The following MAST2 variants were observed in gnomAD, a reference collection of about 807,000 sequenced individuals.
The protein encoded by MAST2 is microtubule-associated serine/threonine-protein kinase 2.
MAST2 carries 70 observed loss-of-function variants against 147.4 expected under a neutral mutation model. That is an observed-to-expected ratio of 0.47 (90% confidence interval 0.39 to 0.58). The LOEUF is 0.58. MAST2 is among the 20% of genes least tolerant of loss of function. The pLI is 0.00. For synonymous variants in MAST2, 869 were observed against 896.8 expected, an observed-to-expected ratio of 0.97 and a Z score of 0.55; for missense variants, 2,080 against 2,302.3, an observed-to-expected ratio of 0.90 and a Z score of 1.98.
chr1:46,030,091 A>C lies in MAST2; in HGVS notation c.2444-38A>C, dbSNP rs1553134806. 4 of 1,609,558 alleles carry C rather than the reference A, an allele frequency of 2.5e-6. No individual in the cohort carries two copies. In the South Asian group the frequency reaches 4.4e-5, roughly 18 times the overall value. ...ATGGGGTCACAAGGAGGCCACCAGC[A>C]GGGCTCTGAAGGAAAGTGTCCTTTA... On this transcript the variant is annotated intron_variant, in intron 20 of 28. Coordinates refer to ENST00000361297, the MANE Select transcript of MAST2 (RefSeq NM_015112.3).
chr1:45,999,554 G>A (rs1312086111), intron 6 of MAST2, among the ~76,000 whole-genome samples: 1 of 152,184 alleles, frequency 6.6e-6, no homozygotes, highest in Non-Finnish European at 1.5e-5. Flanking sequence ...ACTCGGCTGG[G>A]TGCTTAGTTA....
At chr1:45,912,596 A>G (rs6686134) in intron 4 of MAST2, among the ~76,000 whole-genome samples, 67,670 of 151,998 alleles carry the variant, frequency 0.45, 15,265 homozygotes, top group East Asian at 0.63. Context: ...CCTAGAAAAA[A>G]CAGTTTGATA....
At chr1:45,966,100 C>G (rs899556283) in intron 5 of MAST2, among the ~76,000 whole-genome samples, 2 of 152,178 alleles carry the variant, frequency 1.3e-5, no homozygotes, top group Non-Finnish European at 2.9e-5. Flanking sequence ...TCCAGAATGT[C>G]ATATAGTTGG....
intron 3 of MAST2, among the ~76,000 whole-genome samples, chr1:45,850,344 G>C (rs1415963827): frequency 6.6e-6 from 1 of 152,018 alleles, no homozygotes; most frequent in African/African-American, 2.4e-5. Flanking sequence ...CTAGATATTA[G>C]ACCTTTGTCA....
rs186554820 is a variant in MAST2, at chr1:45,860,573, T to C, written c.469-21791T>C. ...TTGGCCGGGCGCAGTGGCTGATGCC[T>C]GTAATCCCAGCACTTTGGGAGGCCA... On this transcript the variant is annotated intron_variant, in intron 3 of 28. Coordinates refer to ENST00000361297, the MANE Select transcript of MAST2 (RefSeq NM_015112.3). 5.9e-5 allele frequency among the ~76,000 whole-genome samples: 9 copies of C among 152,290 alleles called. No homozygotes were observed. The East Asian group carries it at 1.2e-3, about 20-fold the overall frequency.
intron 3 of MAST2, among the ~76,000 whole-genome samples, chr1:45,843,076 A>G (rs1334146429): frequency 6.6e-6 from 1 of 152,000 alleles, no homozygotes; most frequent in Non-Finnish European, 1.5e-5. Context: ...TTTTTTGACC[A>G]TTTATATATC....
At chr1:45,804,383 G>A (rs1265981437) in intron 1 of MAST2, among the ~76,000 whole-genome samples, 3 of 152,176 alleles carry the variant, frequency 2.0e-5, no homozygotes, top group Non-Finnish European at 2.9e-5. Flanking sequence ...GCTTACTAAA[G>A]AGGCGTTGAG....
In MAST2 at chr1:46,032,197, G is replaced by A. The variant is rs774203342; in HGVS notation, c.3207G>A (p.Pro1069=). 152 of 1,613,942 alleles carry A rather than the reference G, an allele frequency of 9.4e-5. No individual in the cohort carries two copies. The highest frequency in any genetic ancestry group is 1.2e-4 in the Non-Finnish European group (145 of 1,180,018). The change falls in exon 25 of 29, where the codon CCG becomes CCA. Residue 1069 remains proline, a synonymous_variant. Coordinates refer to ENST00000361297, the MANE Select transcript of MAST2 (RefSeq NM_015112.3). ...LIPSEHHTCS[P]LASPMSPHSQ... ...CTCCAGAACACCACACCTGCTCCCC[G>A]TTGGCCAGCCCCATGTCCCCACATT... is the stretch of plus-strand genomic sequence containing the variant.
intron 4 of MAST2, among the ~76,000 whole-genome samples, chr1:45,898,912 A>G (rs72690893): frequency 1.3e-5 from 2 of 152,146 alleles, no homozygotes; most frequent in South Asian, 2.1e-4. Flanking sequence ...GCATCCCTCA[A>G]ATCTCCTTAG....
In MAST2 at chr1:45,997,707, T is replaced by G; in HGVS notation, c.593-17T>G. 1 of 1,609,870 alleles carries G rather than the reference T, an allele frequency of 6.2e-7. No homozygotes were observed. The highest frequency in any genetic ancestry group is 8.5e-7 in the Non-Finnish European group (1 of 1,176,046). ...CAAGCAAACCTCACAGAGTTTTGTTTCTTTTCCCATCCACAGGTAACAGTC... is the reference window on the plus strand; with the variant it reads ...CAAGCAAACCTCACAGAGTTTTGTTGCTTTTCCCATCCACAGGTAACAGTC... On this transcript the variant is annotated splice_polypyrimidine_tract_variant and intron_variant, in intron 5 of 28. Transcript: ENST00000361297.
chr1:45,840,885 A>G (rs1016063115), intron 3 of MAST2, among the ~76,000 whole-genome samples: 2 of 152,184 alleles, frequency 1.3e-5, no homozygotes, highest in Non-Finnish European at 2.9e-5. Context: ...GGCTATAAAT[A>G]TAGCCTACAT....
chr1:46,022,978 A>T lies in MAST2; in HGVS notation c.1485+7A>T, dbSNP rs1027147533. 6.2e-7 allele frequency: 1 copy of T among 1,613,480 alleles called. No individual in the cohort carries two copies. The highest frequency in any genetic ancestry group is 1.3e-5 in the African/African-American group (1 of 74,852). ...GACAGATGATTCTATTGAGGTAAAA[A>T]CCCTGAGCTCCTACCCCATTCCTGG... On this transcript the variant is annotated splice_region_variant and intron_variant, in intron 13 of 28. Transcript: ENST00000361297.
intron 4 of MAST2, among the ~76,000 whole-genome samples, chr1:45,885,778 T>A (rs922561383): frequency 6.6e-6 from 1 of 152,202 alleles, no homozygotes; most frequent in Admixed American, 6.5e-5. Flanking sequence ...CTATTCTAGA[T>A]ACTGGAGATA....
At chr1:45,901,977 T>C (rs771653470) in intron 4 of MAST2, among the ~76,000 whole-genome samples, 3 of 152,238 alleles carry the variant, frequency 2.0e-5, no homozygotes, top group Non-Finnish European at 4.4e-5. Flanking sequence ...TATTTTTTTC[T>C]CTTGCCTAAT....
At chr1:45,952,372 G>C (rs1054284314) in intron 4 of MAST2, among the ~76,000 whole-genome samples, 1 of 152,090 alleles carries the variant, frequency 6.6e-6, no homozygotes, top group Admixed American at 6.6e-5. Flanking sequence ...GGTTGGTTGT[G>C]GGGAGAATGG....
intron 5 of MAST2, among the ~76,000 whole-genome samples, chr1:45,969,881 G>A (rs968487030): frequency 2.0e-5 from 3 of 152,172 alleles, no homozygotes; most frequent in Admixed American, 6.5e-5. Context: ...GTTGGGGAAT[G>A]CTGTTCTATA....
intron 1 of MAST2, among the ~76,000 whole-genome samples, chr1:45,819,206 T>A (rs1408464084): frequency 1.3e-5 from 2 of 148,396 alleles, no homozygotes; most frequent in African/African-American, 2.5e-5. Flanking sequence ...TGAGCCGAGA[T>A]CATGCCATTG....
At chr1:45,823,760 G>A (rs567781460) in intron 1 of MAST2, among the ~76,000 whole-genome samples, 31 of 151,892 alleles carry the variant, frequency 2.0e-4, no homozygotes, top group Non-Finnish European at 4.1e-4. Flanking sequence ...GATTTTTTTC[G>A]AAAGTTTCTT....
chr1:45,821,149 C>T (rs1015836260), intron 1 of MAST2, among the ~76,000 whole-genome samples: 2 of 152,034 alleles, frequency 1.3e-5, no homozygotes, highest in African/African-American at 4.8e-5. Flanking sequence ...ATCTCCCTAC[C>T]TTGGCCTCCC....
Sources: gnomAD v4.1 joint callset for allele counts (sites outside exome capture counted in the v4.1 genomes callset) on GRCh38, gnomAD v4.1.1 for gene constraint, MANE v1.5 for transcripts, NCBI Gene and HGNC (gene_info 2026-07-23, HGNC 2026-07-21) for gene names.